CCDC12: variants seen among roughly 807,000 people sequenced by gnomAD.
CCDC12 encodes coiled-coil domain containing 12, also known as coiled-coil domain-containing protein 12.
In CCDC12, 28 loss-of-function variants were observed where a neutral mutation model predicts 25.7. The ratio of observed to expected loss-of-function variants is 1.09; its 90% CI spans 0.81 to 1.50. The LOEUF is 1.50. CCDC12 is among the 40% of genes most tolerant of loss of function. The pLI, the probability that CCDC12 is intolerant of heterozygous loss-of-function variation, is 0.00. For missense variants in CCDC12, 198 were observed against 210.0 expected (o/e 0.94, Z 0.35); for synonymous variants, 75 against 87.7 (o/e 0.86, Z 0.81).
chr3:46,941,157 A>C (rs757482243), intron 1 of CCDC12, 92 bp from the exon 2 acceptor site: 1 of 1,239,268 alleles, frequency 8.1e-7, no homozygotes, highest in Non-Finnish European at 1.2e-6. Flanking sequence ...GACATCTCAG[A>C]AGGGGGGCAC....
intron 1 of CCDC12, among the ~76,000 whole-genome samples, chr3:46,956,712 TTGGGGGGCTGAGG>T (rs1266063173): frequency 1.3e-5 from 2 of 151,996 alleles, no homozygotes; most frequent in African/African-American, 2.4e-5. Flanking sequence ...TCCCAGCTAC[TTGGGGGGCTGAGG>T]TGGGGGAATC....
intron 2 of CCDC12, among the ~76,000 whole-genome samples, chr3:46,932,672 A>G (rs899856938): frequency 2.6e-5 from 4 of 152,224 alleles, no homozygotes; most frequent in African/African-American, 9.6e-5. Flanking sequence ...TCACAGCCTC[A>G]GGGGGTGGAC....
At chr3:46,980,109 C>G (rs1184135241), upstream of CCDC12, among the ~76,000 whole-genome samples, 1 of 152,114 alleles carries the variant, frequency 6.6e-6, no homozygotes, top group Non-Finnish European at 1.5e-5. Flanking sequence ...GCACTTATGC[C>G]TTGGGGACAG....
intron 1 of CCDC12, among the ~76,000 whole-genome samples, chr3:46,972,894 A>G (rs534447512): frequency 1.3e-5 from 2 of 152,082 alleles, no homozygotes; most frequent in East Asian, 3.9e-4. Context: ...TGAAAACACT[A>G]TGGTGTTTCC....
intron 1 of CCDC12, among the ~76,000 whole-genome samples, chr3:46,965,258 C>T (rs2034605300): frequency 6.6e-6 from 1 of 152,226 alleles, no homozygotes; most frequent in Admixed American, 6.5e-5. Flanking sequence ...TTCCAATTCC[C>T]TGCCCCCTAT....
At chr3:46,966,205 GAAAA>G (rs1210671848) in intron 1 of CCDC12, 1 of 152,464 alleles carries the variant, frequency 6.6e-6, no homozygotes, top group African/African-American at 2.4e-5. Flanking sequence ...CTCCCAGGTT[GAAAA>G]AAGAAAGAAA....
At chr3:46,974,935 T>A (rs1178475952) in intron 1 of CCDC12, among the ~76,000 whole-genome samples, 1 of 152,128 alleles carries the variant, frequency 6.6e-6, no homozygotes, top group Non-Finnish European at 1.5e-5. Context: ...ACTGGAGACA[T>A]GAAGAAACCC....
intron 1 of CCDC12, among the ~76,000 whole-genome samples, chr3:46,962,853 C>T (rs569508693): frequency 3.9e-5 from 6 of 152,188 alleles, no homozygotes; most frequent in Non-Finnish European, 8.8e-5. Context: ...AGCAATTCCA[C>T]TCCTAGGCAT....
At chr3:46,936,287 C>T (rs960549699) in intron 2 of CCDC12, among the ~76,000 whole-genome samples, 1 of 152,202 alleles carries the variant, frequency 6.6e-6, no homozygotes, top group Non-Finnish European at 1.5e-5. Flanking sequence ...TTTCTACTCC[C>T]ATCCATTGCC....
intron 1 of CCDC12, among the ~76,000 whole-genome samples, chr3:46,945,779 C>T (rs1359266833): frequency 6.6e-6 from 1 of 152,228 alleles, no homozygotes; most frequent in Non-Finnish European, 1.5e-5. Flanking sequence ...ATTGAATTTA[C>T]TGGCACAAAG....
In CCDC12 at chr3:46,974,236, G is replaced by T. The variant is rs114116002; in HGVS notation, c.96+2401C>A. 9.7e-4 allele frequency among the ~76,000 whole-genome samples: 148 copies of T among 152,304 alleles called. 1 individual carries two copies. The highest frequency in any genetic ancestry group is 3.5e-3 in the African/African-American group (144 of 41,572). ...GTTTAACGGGTACAGAGTTTGGGAT[G>T]ATGAAAACGTTCTGGACATTGAATT... On this transcript the variant is annotated intron_variant, in intron 1 of 6. Transcript: ENST00000683445.
At chr3:46,977,422 G>C (rs925652161), upstream of CCDC12, among the ~76,000 whole-genome samples, 1 of 149,242 alleles carries the variant, frequency 6.7e-6, no homozygotes, top group Non-Finnish European at 1.5e-5. Context: ...GCAGTGAGCC[G>C]AGATCGTGCC....
intron 1 of CCDC12, 81 bp downstream of exon 1, chr3:46,976,550 CCTTATT>C: frequency 6.7e-7 from 1 of 1,498,722 alleles, no homozygotes; most frequent in Non-Finnish European, 8.9e-7. Flanking sequence ...AGCTGTCTTT[CCTTATT>C]AGCCCTTTGC....
intron 1 of CCDC12, among the ~76,000 whole-genome samples, chr3:46,960,002 G>A (rs914651663): frequency 1.2e-4 from 18 of 152,090 alleles, no homozygotes; most frequent in Admixed American, 6.5e-5. Context: ...ATCGATACTG[G>A]GTTGAGCGCT....
At chr3:46,974,293 T>C (rs2034899307) in intron 1 of CCDC12, among the ~76,000 whole-genome samples, 1 of 152,236 alleles carries the variant, frequency 6.6e-6, no homozygotes, top group African/African-American at 2.4e-5. Context: ...TAGTAAATTG[T>C]ATGTGTATTT....
At chr3:46,935,504 T>C (rs2033406879) in intron 2 of CCDC12, among the ~76,000 whole-genome samples, 1 of 151,778 alleles carries the variant, frequency 6.6e-6, no homozygotes, top group African/African-American at 2.4e-5. Flanking sequence ...CGGAGAGCTT[T>C]TTAAAAAAAA....
rs116117559 is a variant in CCDC12 at position 46,925,408 on chromosome 3, T to C, written c.244+48A>G. The C allele has an allele frequency of 8.9e-3, 13,386 of 1,500,704 alleles. 71 individuals carry two copies. Among genetic ancestry groups the C allele is most frequent in the Non-Finnish European group, 0.01 (11,268 of 1,078,446 alleles). The allele number at this position is 1,500,704 out of a possible 1,614,324, so 93.0% of individuals were successfully genotyped here. A position where few individuals can be genotyped will look rare whatever the true frequency, so the allele number is the denominator to read the frequency against. ...GAGCAAAGCCTGCTGAGGTGGAGGG[T>C]GGCTGACAGTGCCAGGAAGCAGAGG... On this transcript the variant is annotated intron_variant, in intron 3 of 6. Coordinates refer to ENST00000683445, the MANE Select transcript of CCDC12 (RefSeq NM_001277074.2).
chr3:46,958,992 C>G (rs1477994314), intron 1 of CCDC12, among the ~76,000 whole-genome samples: 2 of 152,220 alleles, frequency 1.3e-5, no homozygotes, highest in Non-Finnish European at 2.9e-5. Flanking sequence ...AGCTCCTAGA[C>G]TAGAAGCTAT....
chr3:46,938,403 A>G (rs956631782), intron 2 of CCDC12, among the ~76,000 whole-genome samples: 2 of 151,786 alleles, frequency 1.3e-5, no homozygotes, highest in African/African-American at 4.8e-5. Flanking sequence ...TTTCATTATG[A>G]TATATCTCAG....
Sources: gnomAD v4.1 joint callset for allele counts (sites outside exome capture counted in the v4.1 genomes callset) on GRCh38, gnomAD v4.1.1 for gene constraint, MANE v1.5 for transcripts, NCBI Gene and HGNC (gene_info 2026-07-23, HGNC 2026-07-21) for gene names.